The following SNX29 variants were observed in gnomAD, a reference collection of about 807,000 sequenced individuals.
SNX29 encodes the protein sorting nexin-29.
Under a neutral mutation model 102.1 loss-of-function variants are expected in SNX29, and 78 were observed. The ratio of observed to expected loss-of-function variants is 0.76; its 90% CI spans 0.64 to 0.92. The LOEUF (loss-of-function observed/expected upper bound fraction) is 0.92. Among genes scored for constraint, SNX29 ranks in the 40% least tolerant of loss-of-function variants. The probability of loss-of-function intolerance (pLI) is 0.00; values close to 1 mark genes in which losing one functional copy is unlikely to be tolerated. For missense variants in SNX29, 1,280 were observed against 1,061.7 expected, an observed-to-expected ratio of 1.21 and a Z score of -2.86; for synonymous variants, 580 against 414.5, an observed-to-expected ratio of 1.40 and a Z score of -4.85.
intron 16 of SNX29, among the ~76,000 whole-genome samples, chr16:12,364,752 C>G (rs896306286): frequency 3.3e-5 from 5 of 152,286 alleles, no homozygotes; most frequent in African/African-American, 9.6e-5. Flanking sequence ...TGGCAAGGCT[C>G]TGTTTCTCTG....
intron 15 of SNX29, among the ~76,000 whole-genome samples, chr16:12,346,963 C>A (rs1041938871): frequency 6.6e-6 from 1 of 152,156 alleles, no homozygotes; most frequent in African/African-American, 2.4e-5. Flanking sequence ...CGTGGCCAAG[C>A]GATGACGGTC....
intron 18 of SNX29, among the ~76,000 whole-genome samples, chr16:12,474,555 C>A (rs557439819): frequency 1.3e-5 from 2 of 152,092 alleles, no homozygotes; most frequent in African/African-American, 4.8e-5. Flanking sequence ...CTCCAGGGAG[C>A]AAAAACAGTG....
chr16:12,264,581 A>C (rs1187698179), intron 14 of SNX29, among the ~76,000 whole-genome samples: 1 of 152,238 alleles, frequency 6.6e-6, no homozygotes, highest in Non-Finnish European at 1.5e-5. Flanking sequence ...CAGGAGCTTG[A>C]GACGAGCCTG....
At chr16:12,272,458 G>C (rs1224993156) in intron 14 of SNX29, among the ~76,000 whole-genome samples, 1 of 152,248 alleles carries the variant, frequency 6.6e-6, no homozygotes, top group Non-Finnish European at 1.5e-5. Flanking sequence ...CTGCTGAGCA[G>C]CTGCAGCCAG....
intron 20 of SNX29, among the ~76,000 whole-genome samples, chr16:12,549,528 C>A (rs905672294): frequency 1.5e-5 from 1 of 67,674 alleles, no homozygotes; most frequent in African/African-American, 1.3e-4. Flanking sequence ...CATCCTCTAT[C>A]TCAAATAGCC....
At chr16:12,302,361 A>G (rs1428817512) in intron 15 of SNX29, among the ~76,000 whole-genome samples, 1 of 152,236 alleles carries the variant, frequency 6.6e-6, no homozygotes, top group Non-Finnish European at 1.5e-5. Context: ...GTTTATCATT[A>G]TTGATTGTGT....
intron 18 of SNX29, among the ~76,000 whole-genome samples, chr16:12,450,072 C>T (rs1443116658): frequency 6.6e-6 from 1 of 152,140 alleles, no homozygotes; most frequent in Non-Finnish European, 1.5e-5. Flanking sequence ...TTTGCTTATT[C>T]TTGTTCTCTC....
At chr16:12,139,806 C>A (rs1397602654) in intron 13 of SNX29, among the ~76,000 whole-genome samples, 1 of 151,724 alleles carries the variant, frequency 6.6e-6, no homozygotes, top group Non-Finnish European at 1.5e-5. Context: ...CACGGTGAGA[C>A]CCTGTCTACA....
chr16:12,450,289 G>T (rs945349887), intron 18 of SNX29, among the ~76,000 whole-genome samples: 4 of 152,200 alleles, frequency 2.6e-5, no homozygotes, highest in Non-Finnish European at 5.9e-5. Flanking sequence ...TGTTGAGAGG[G>T]GCAGGGTGCA....
intron 2 of SNX29, among the ~76,000 whole-genome samples, chr16:12,001,927 G>A (rs1234094854): frequency 1.3e-5 from 2 of 151,962 alleles, no homozygotes; most frequent in Admixed American, 6.6e-5. Context: ...GACTGAGGTG[G>A]GAGAATTGCT....
intron 18 of SNX29, among the ~76,000 whole-genome samples, chr16:12,444,258 G>A (rs549677499): frequency 2.9e-4 from 6 of 20,930 alleles, no homozygotes; most frequent in Non-Finnish European, 4.4e-4. Context: ...CACCGAGCAC[G>A]TAGTAAGCAC....
intron 11 of SNX29, among the ~76,000 whole-genome samples, chr16:12,100,636 G>C (rs1372855836): frequency 6.6e-6 from 1 of 151,344 alleles, no homozygotes; most frequent in Non-Finnish European, 1.5e-5. Context: ...GATGTGGAAG[G>C]AAGAGTGTGC....
intron 7 of SNX29, among the ~76,000 whole-genome samples, chr16:12,051,228 C>G (rs2151215728): frequency 6.6e-6 from 1 of 151,814 alleles, no homozygotes; most frequent in Non-Finnish European, 1.5e-5. Flanking sequence ...ACTCAGGAGG[C>G]TGAGGGCAGA....
intron 13 of SNX29, among the ~76,000 whole-genome samples, chr16:12,161,052 A>G (rs1457323288): frequency 2.0e-5 from 3 of 152,160 alleles, no homozygotes; most frequent in Non-Finnish European, 4.4e-5. Flanking sequence ...ACCCGAGTAC[A>G]TTTTTGACAG....
chr16:12,390,568 G>A (rs1463988017), intron 16 of SNX29, among the ~76,000 whole-genome samples: 4 of 152,148 alleles, frequency 2.6e-5, no homozygotes, highest in Non-Finnish European at 4.4e-5. Flanking sequence ...TGGAATAAAC[G>A]TATGCATAAC....
At chr16:12,561,108 C>T (rs935206967) in intron 20 of SNX29, 21 of 226,550 alleles carry the variant, frequency 9.3e-5, no homozygotes, top group East Asian at 3.8e-4. Flanking sequence ...TTAGATTTCA[C>T]GGGGCACCCA....
At chr16:12,268,450 C>T (rs897800785) in intron 14 of SNX29, among the ~76,000 whole-genome samples, 2 of 152,170 alleles carry the variant, frequency 1.3e-5, no homozygotes, top group Admixed American at 6.5e-5. Flanking sequence ...TCTTGTTGCC[C>T]GTGTTTCTCC....
At chr16:12,093,911 A>G (rs2052663766) in intron 11 of SNX29, 1 of 152,178 alleles carries the variant, frequency 6.6e-6, no homozygotes, top group Non-Finnish European at 1.5e-5. Context: ...AAAGTAAGAA[A>G]CACGAAACAC....
At chr16:12,294,016 G>T (rs1311965257) in intron 15 of SNX29, among the ~76,000 whole-genome samples, 1 of 152,232 alleles carries the variant, frequency 6.6e-6, no homozygotes, top group African/African-American at 2.4e-5. Flanking sequence ...TAGGTGCTCA[G>T]ATTCCAGACC....
Sources: allele counts gnomAD v4.1 joint callset (sites outside exome capture counted in the v4.1 genomes callset), GRCh38; gene constraint gnomAD v4.1.1; transcripts MANE v1.5; gene names NCBI Gene and HGNC (gene_info 2026-07-23, HGNC 2026-07-21).